Variants in COL4A3 observed in about 807,000 individuals in gnomAD.
The protein encoded by COL4A3 is collagen alpha-3(IV) chain.
Under a neutral mutation model 217.4 loss-of-function variants are expected in COL4A3, and 135 were observed. The ratio of observed to expected loss-of-function variants is 0.62; its 90% CI spans 0.54 to 0.72. COL4A3 has a LOEUF of 0.72. Among genes scored for constraint, COL4A3 ranks in the 30% least tolerant of loss-of-function variants. The pLI is 0.00. For synonymous variants in COL4A3, 690 were observed against 736.3 expected (o/e 0.94, Z 1.02); for missense variants, 1,868 against 2,119.9 (o/e 0.88, Z 2.33).
At chr2:227,273,505 A>C (rs2071367081) in intron 26 of COL4A3, among the ~76,000 whole-genome samples, 2 of 152,180 alleles carry the variant, frequency 1.3e-5, no homozygotes, top group African/African-American at 4.8e-5. Context: ...TCTGGGCTTA[A>C]TAGATCCTCC....
chr2:227,250,822 A>G lies in COL4A3; in HGVS notation c.547-318A>G, dbSNP rs148983383. On this transcript the variant is annotated intron_variant, in intron 9 of 51. Transcript: ENST00000396578. The surrounding 1 kb of genome is among the most constrained non-coding windows in gnomAD (Gnocchi z 4.1). ...AGGTGGCAGGCCCTAACGTAGGAGCATGCTTGGCCAAAATGAGAGAGAAAG... is the reference window on the plus strand; with the variant it reads ...AGGTGGCAGGCCCTAACGTAGGAGCGTGCTTGGCCAAAATGAGAGAGAAAG... Among the ~76,000 whole-genome samples, 2 of 152,270 alleles carry G rather than the reference A, an allele frequency of 1.3e-5. No individual in the cohort carries two copies. The highest frequency in any genetic ancestry group is 4.8e-5 in the African/African-American group (2 of 41,576).
intron 1 of COL4A3, among the ~76,000 whole-genome samples, chr2:227,199,610 T>C (rs2066608458): frequency 6.6e-6 from 1 of 152,168 alleles, no homozygotes; most frequent in African/African-American, 2.4e-5. Context: ...ATTAATCCCT[T>C]ACTTTAGTGT....
intron 1 of COL4A3, among the ~76,000 whole-genome samples, chr2:227,206,137 G>C (rs546580489): frequency 2.0e-4 from 30 of 152,030 alleles, no homozygotes; most frequent in African/African-American, 6.5e-4. Context: ...GCAGTGGTGC[G>C]ATCTCAGCTC....
intron 41 of COL4A3, among the ~76,000 whole-genome samples, chr2:227,296,806 C>G (rs1004832197): frequency 6.6e-6 from 1 of 152,132 alleles, no homozygotes; most frequent in African/African-American, 2.4e-5. Context: ...CATTGTAAGT[C>G]TTTACTATAT....
At position 227,298,746 on chromosome 2, in the gene COL4A3, T is replaced by C. The variant is rs376887131; in HGVS notation, c.3816T>C (p.Ser1272=). The part of the protein sequence containing the change: ...HVIGIKGDKG[S]MGHPGPKGPP... The stretch of plus-strand genomic sequence containing the variant: ...TAGGCATAAAAGGAGACAAAGGGTC[T>C]ATGGGCCACCCTGGCCCAAAAGGTC... The change falls in exon 43 of 52, where the codon TCT becomes TCC. Residue 1272 remains serine, a synonymous_variant. Coordinates refer to ENST00000396578, the MANE Select transcript of COL4A3 (RefSeq NM_000091.5). 16 of 1,613,962 alleles carry C rather than the reference T, an allele frequency of 9.9e-6. No homozygotes were observed. The highest frequency in any genetic ancestry group is 8.9e-5 in the East Asian group (4 of 44,896).
Position 227,256,076 on chromosome 2 carries a change from G to C in COL4A3, c.933+6G>C. On this transcript the variant is annotated splice_donor_region_variant and intron_variant, in intron 16 of 51. Transcript: ENST00000396578. Reference sequence around the variant, plus strand: ...CTGGCTTCCCTGGAAGTGAGGTATAGAGTTGATTTGGCCTATGGAGGTAGT... The same window carrying C: ...CTGGCTTCCCTGGAAGTGAGGTATACAGTTGATTTGGCCTATGGAGGTAGT... 1 of 1,613,818 alleles carries C rather than the reference G, an allele frequency of 6.2e-7. No homozygotes were observed. Among genetic ancestry groups the C allele is most frequent in the Non-Finnish European group, 8.5e-7 (1 of 1,179,736 alleles).
intron 1 of COL4A3, among the ~76,000 whole-genome samples, chr2:227,175,592 G>A (rs530501814): frequency 2.8e-4 from 42 of 152,314 alleles, no homozygotes; most frequent in Admixed American, 5.9e-4. Flanking sequence ...GAAGGAATAT[G>A]CTGAGTATTT....
chr2:227,204,886 G>C (rs1380735079), intron 1 of COL4A3, among the ~76,000 whole-genome samples: 1 of 152,176 alleles, frequency 6.6e-6, no homozygotes. Flanking sequence ...TGTTTCCAAT[G>C]TACATGACTA....
chr2:227,281,178 G>A (rs1202975557), intron 31 of COL4A3, among the ~76,000 whole-genome samples, 172 bp downstream of exon 31: 1 of 152,172 alleles, frequency 6.6e-6, no homozygotes, highest in Admixed American at 6.5e-5. Context: ...GCACACAGTA[G>A]TGTGTACCAC....
intron 41 of COL4A3, among the ~76,000 whole-genome samples, chr2:227,296,041 T>C (rs2073013963): frequency 6.6e-6 from 1 of 152,232 alleles, no homozygotes; most frequent in Middle Eastern, 3.2e-3. Flanking sequence ...CCTAACACAC[T>C]GAAGGGCTCT....
Position 227,303,125 on chromosome 2 carries a change from C to T in COL4A3, c.3955+15C>T, listed in dbSNP as rs758707770. ...AGGCGTGAAAGGTACTGTTTTTGTG[C>T]ATTGCTCTTTATATGCAAATACCAT... On this transcript the variant is annotated intron_variant, in intron 44 of 51. Transcript: ENST00000396578. The T allele has an allele frequency of 1.2e-6, 2 of 1,607,954 alleles. No homozygotes were observed. Among genetic ancestry groups the T allele is most frequent in the African/African-American group, 1.3e-5 (1 of 74,762 alleles).
At chr2:227,295,362 G>C (rs1303426349) in intron 41 of COL4A3, 46 bp downstream of exon 41, 3 of 1,555,132 alleles carry the variant, frequency 1.9e-6, no homozygotes, top group African/African-American at 1.4e-5. Flanking sequence ...TTTTCAAGGA[G>C]AGAAAGCAGT....
chr2:227,260,094 G>C (rs2070455783), intron 19 of COL4A3: 1 of 717,512 alleles, frequency 1.4e-6, no homozygotes, highest in African/African-American at 1.7e-5. Flanking sequence ...TCTTTATGTA[G>C]CAAAACATAA....
At chr2:227,295,440 A>G (rs1456625008) in intron 41 of COL4A3, 124 bp downstream of exon 41, 5 of 817,300 alleles carry the variant, frequency 6.1e-6, no homozygotes, top group Non-Finnish European at 1.1e-5. Context: ...GTAATACAGG[A>G]TATTTATCAT....
In COL4A3 at chr2:227,244,908, G is replaced by GT. The variant is rs376754524; in HGVS notation, c.280-31dup. 9.3e-3 allele frequency: 11,890 copies of GT among 1,274,716 alleles called. 2 individuals are homozygous for GT. Among genetic ancestry groups the GT allele is most frequent in the Middle Eastern group, 0.02 (101 of 5,050 alleles). 79.0% of individuals were successfully genotyped at this position (1,274,716 alleles called of 1,614,324 possible). ...TGTTTATAGATTGAACATTTTTAAA[G>GT]TTTTTTTTTTTTGCCACCCCCTCCT... is the stretch of plus-strand genomic sequence containing the variant. On this transcript the variant is annotated intron_variant, in intron 4 of 51. Transcript: ENST00000396578.
At chr2:227,291,562 CAAAAA>C (rs869289707) in intron 37 of COL4A3, among the ~76,000 whole-genome samples, 18 of 34,410 alleles carry the variant, frequency 5.2e-4, no homozygotes, top group African/African-American at 2.3e-3. Flanking sequence ...GACTCCGTCT[CAAAAA>C]AAAAAAAAAA....
intron 49 of COL4A3, 43 bp downstream of exon 49, chr2:227,309,119 T>C (rs1254635344): frequency 1.9e-6 from 3 of 1,610,258 alleles, no homozygotes; most frequent in Non-Finnish European, 2.6e-6. Flanking sequence ...ACCAAGTGAA[T>C]CACTTCCCTT....
At chr2:227,298,511 C>T (rs2073133789) in intron 42 of COL4A3, among the ~76,000 whole-genome samples, 171 bp from the exon 43 acceptor site, 1 of 152,224 alleles carries the variant, frequency 6.6e-6, no homozygotes, top group African/African-American at 2.4e-5. Flanking sequence ...AGGTGCTTCG[C>T]TGGCATCATC....
intron 1 of COL4A3, among the ~76,000 whole-genome samples, chr2:227,210,495 C>T (rs2067274192): frequency 6.6e-6 from 1 of 151,792 alleles, no homozygotes; most frequent in Non-Finnish European, 1.5e-5. Context: ...GAGGCTGAGA[C>T]AGGAGAATTG....
Sources: allele counts gnomAD v4.1 joint callset (sites outside exome capture counted in the v4.1 genomes callset), GRCh38; gene constraint gnomAD v4.1.1; non-coding constraint Gnocchi (gnomAD v3.1); transcripts MANE v1.5; gene names NCBI Gene and HGNC (gene_info 2026-07-23, HGNC 2026-07-21).